CREB5: variants seen among roughly 807,000 people sequenced by gnomAD.
CREB5 encodes cyclic AMP-responsive element-binding protein 5.
In CREB5, 19 loss-of-function variants were observed where a neutral mutation model predicts 57.1. That is an observed-to-expected ratio of 0.33 (90% confidence interval 0.23 to 0.49). The LOEUF (loss-of-function observed/expected upper bound fraction) is 0.49, where lower values mean the gene tolerates loss of function less well. Ranked by LOEUF, CREB5 falls within the 20% of genes least tolerant of loss-of-function variation. The probability of loss-of-function intolerance (pLI) is 0.99; values close to 1 mark genes in which losing one functional copy is unlikely to be tolerated. For synonymous variants in CREB5, 238 were observed against 238.3 expected (o/e 1.00, Z 0.01); for missense variants, 579 against 671.6 (o/e 0.86, Z 1.52).
rs181032439 is a variant in CREB5, at chr7:28,706,482, G to A, written c.465-12271G>A. ...GTGTCAATCTCAGAACCTAATAATG[G>A]AATCAATTTTGTCTACAGGGAAGCC... On this transcript the variant is annotated intron_variant, in intron 5 of 10. Coordinates refer to ENST00000357727, the MANE Select transcript of CREB5 (RefSeq NM_182898.4). 2.6e-5 allele frequency among the ~76,000 whole-genome samples: 4 copies of A among 152,160 alleles called. 1 individual carries two copies. The South Asian group carries it at 8.3e-4, about 31-fold the overall frequency.
intron 4 of CREB5, among the ~76,000 whole-genome samples, chr7:28,565,369 G>T (rs1403000354): frequency 1.3e-5 from 2 of 152,186 alleles, no homozygotes; most frequent in Admixed American, 6.5e-5. Flanking sequence ...TGGTAAATTT[G>T]TTCGGACAGA....
intron 7 of CREB5, among the ~76,000 whole-genome samples, chr7:28,743,838 CTTTTTTTTTTTT>C (rs58302393): frequency 2.6e-5 from 2 of 76,018 alleles, no homozygotes; most frequent in Admixed American, 1.9e-4. Flanking sequence ...ATCTCCTTTT[CTTTTTTTTTTTT>C]TTTTTTTTTT....
chr7:28,306,519 G>A (rs1785184555), intron 1 of CREB5, among the ~76,000 whole-genome samples: 1 of 105,940 alleles, frequency 9.4e-6, no homozygotes, highest in African/African-American at 3.6e-5. Context: ...GAAGAAAACT[G>A]GTGCCAGTAC....
intron 2 of CREB5, among the ~76,000 whole-genome samples, chr7:28,490,294 T>G (rs939445575): frequency 6.6e-6 from 1 of 152,086 alleles, no homozygotes; most frequent in Non-Finnish European, 1.5e-5. Context: ...AGGAAGGCCA[T>G]AGGCCACCTT....
chr7:28,810,792 T>A (rs1809070266), intron 9 of CREB5, among the ~76,000 whole-genome samples: 1 of 152,198 alleles, frequency 6.6e-6, no homozygotes, highest in African/African-American at 2.4e-5. Context: ...AAGGAACAGT[T>A]AGGGTGCCAA....
At chr7:28,641,991 C>T (rs572140737) in intron 5 of CREB5, among the ~76,000 whole-genome samples, 6 of 152,280 alleles carry the variant, frequency 3.9e-5, no homozygotes, top group Admixed American at 2.6e-4. Context: ...TGTCACAATG[C>T]GAAGCAAGTT....
At chr7:28,392,238 T>C (rs1481993019) in intron 1 of CREB5, among the ~76,000 whole-genome samples, 1 of 152,092 alleles carries the variant, frequency 6.6e-6, no homozygotes, top group Non-Finnish European at 1.5e-5. Context: ...AGTTTGTCTA[T>C]ATGACAAACC....
intron 1 of CREB5, among the ~76,000 whole-genome samples, chr7:28,453,021 G>A (rs1227970294): frequency 6.6e-6 from 1 of 152,192 alleles, no homozygotes; most frequent in Non-Finnish European, 1.5e-5. Flanking sequence ...GCCTTGTGTT[G>A]GCAACACTGA....
intron 1 of CREB5, among the ~76,000 whole-genome samples, chr7:28,359,768 G>A (rs973692650): frequency 6.6e-6 from 1 of 152,186 alleles, no homozygotes; most frequent in Admixed American, 6.5e-5. Flanking sequence ...GAAAACAATC[G>A]ACAGAGTAAA....
At chr7:28,686,059 C>G in intron 5 of CREB5, 1 of 1,459,134 alleles carries the variant, frequency 6.9e-7, no homozygotes, top group Non-Finnish European at 9.5e-7. Flanking sequence ...ATTACATCAT[C>G]GCTTGGCCTG....
chr7:28,628,557 G>A (rs1359104604), intron 5 of CREB5, among the ~76,000 whole-genome samples: 1 of 152,126 alleles, frequency 6.6e-6, no homozygotes, highest in South Asian at 2.1e-4. Flanking sequence ...AGAGACCATG[G>A]TAGCCAGTGG....
chr7:28,368,194 G>A (rs1409909625), intron 1 of CREB5, among the ~76,000 whole-genome samples: 4 of 152,156 alleles, frequency 2.6e-5, no homozygotes, highest in Non-Finnish European at 5.9e-5. Flanking sequence ...GCTAAGCTAT[G>A]GATGTGCAGG....
At chr7:28,351,095 T>C (rs1786175993) in intron 1 of CREB5, among the ~76,000 whole-genome samples, 1 of 152,204 alleles carries the variant, frequency 6.6e-6, no homozygotes, top group Admixed American at 6.5e-5. Flanking sequence ...TATATCTGTT[T>C]CTTCTCAAAT....
intron 5 of CREB5, among the ~76,000 whole-genome samples, chr7:28,653,582 G>A (rs972206505): frequency 2.0e-5 from 3 of 152,152 alleles, no homozygotes; most frequent in Admixed American, 1.3e-4. Flanking sequence ...TACCTGTCAG[G>A]TATAATAATT....
At chr7:28,320,066 G>C (rs1785466246) in intron 1 of CREB5, among the ~76,000 whole-genome samples, 1 of 152,064 alleles carries the variant, frequency 6.6e-6, no homozygotes, top group Non-Finnish European at 1.5e-5. Context: ...AAGTAGCTAA[G>C]ACTACAGCTG....
Position 28,819,417 on chromosome 7 carries a change from T to C in CREB5, c.*138T>C. On this transcript the variant is annotated 3_prime_UTR_variant, in exon 11 of 11. Transcript: ENST00000357727. ...GACTGGCTTTCATTTTTATAGTTAT[T>C]ATGGAAATGTTGTCTTTTATACTTA... 1.2e-6 allele frequency: 1 copy of C among 815,792 alleles called. No individual in the cohort carries two copies. Among genetic ancestry groups the C allele is most frequent in the South Asian group, 2.2e-5 (1 of 45,076 alleles). The allele number at this position is 815,792 out of a possible 1,614,324, so 50.5% of individuals were successfully genotyped here.
At chr7:28,546,476 T>A (rs1562787871) in intron 4 of CREB5, among the ~76,000 whole-genome samples, 1 of 152,224 alleles carries the variant, frequency 6.6e-6, no homozygotes, top group Admixed American at 6.5e-5. Context: ...GATTGTTTTC[T>A]GTTTTTCAAA....
intron 7 of CREB5, among the ~76,000 whole-genome samples, chr7:28,727,261 G>A (rs10486591): frequency 0.6 from 90,653 of 151,824 alleles, 27,505 homozygotes; most frequent in Admixed American, 0.69. Context: ...CACAATGCAC[G>A]TATTGGATTC....
intron 1 of CREB5, among the ~76,000 whole-genome samples, chr7:28,370,387 T>G (rs990802038): frequency 2.6e-5 from 4 of 152,132 alleles, no homozygotes; most frequent in African/African-American, 9.7e-5. Flanking sequence ...AATGAAATCT[T>G]GTATGTGAAA....
Sources: gnomAD v4.1 joint callset for allele counts (sites outside exome capture counted in the v4.1 genomes callset) on GRCh38, gnomAD v4.1.1 for gene constraint, MANE v1.5 for transcripts, NCBI Gene and HGNC (gene_info 2026-07-23, HGNC 2026-07-21) for gene names.